Variants in TEK observed in about 807,000 individuals in gnomAD.
TEK encodes angiopoietin-1 receptor.
Under a neutral mutation model 131.8 loss-of-function variants are expected in TEK, and 43 were observed. The observed-to-expected ratio is 0.33, with a 90% CI of 0.26 to 0.42. The LOEUF is 0.42. Ranked by LOEUF, TEK falls within the 10% of genes least tolerant of loss-of-function variation. The pLI is 1.00. For missense variants in TEK, 1,162 were observed against 1,384.4 expected (o/e 0.84, Z 2.55); for synonymous variants, 580 against 491.6 (o/e 1.18, Z -2.38).
intron 16 of TEK, 43 bp downstream of exon 16, chr9:27,209,274 A>C (rs1430093271): frequency 2.2e-6 from 3 of 1,381,792 alleles, no homozygotes; most frequent in Non-Finnish European, 3.1e-6. Context: ...AGTTTTTATA[A>C]AACAGACAAA....
At chr9:27,219,371 G>C (rs111745033) in intron 20 of TEK, among the ~76,000 whole-genome samples, 16 of 152,126 alleles carry the variant, frequency 1.1e-4, no homozygotes, top group African/African-American at 3.6e-4. Flanking sequence ...ATCATCCTCA[G>C]TAAACTAACA....
intron 21 of TEK, among the ~76,000 whole-genome samples, chr9:27,222,937 A>T (rs115739714): frequency 0.013 from 1,910 of 152,252 alleles, 44 homozygotes; most frequent in African/African-American, 0.043. Context: ...TTTACCAAGC[A>T]AATAGAAAGC....
At chr9:27,220,578 G>A (rs142055907) in intron 21 of TEK, among the ~76,000 whole-genome samples, 312 of 152,326 alleles carry the variant, frequency 2.0e-3, no homozygotes, top group Middle Eastern at 0.01. Context: ...GAAGGCAAGT[G>A]ATTTCTGCAT....
In TEK at chr9:27,202,989, C is replaced by T. The variant is rs559595469; in HGVS notation, c.2079C>T (p.Thr693=). The change falls in exon 13 of 23, where the codon ACC becomes ACT. Residue 693 remains threonine (T), a synonymous_variant. Coordinates refer to ENST00000380036, the MANE Select transcript of TEK (RefSeq NM_000459.5). ...QHVDVKIKNA[T]ITQYQLKGLE... Reference sequence around the variant, plus strand: ...TTGATGTGAAGATAAAGAATGCCACCATCACTCAGTATCAGCTCAAGGGCC... The same window carrying T: ...TTGATGTGAAGATAAAGAATGCCACTATCACTCAGTATCAGCTCAAGGGCC... The T allele has an allele frequency of 2.5e-6, 4 of 1,614,060 alleles. No homozygotes were observed. Among genetic ancestry groups the T allele is most frequent in the East Asian group, 2.2e-5 (1 of 44,874 alleles).
At chr9:27,166,774 G>A (rs1444914260) in intron 2 of TEK, among the ~76,000 whole-genome samples, 1 of 152,138 alleles carries the variant, frequency 6.6e-6, no homozygotes, top group Non-Finnish European at 1.5e-5. Flanking sequence ...TTTTAGAATT[G>A]AGATTCTAGA....
chr9:27,138,045 G>C lies in TEK; in HGVS notation c.53-19786G>C, dbSNP rs375478491. On this transcript the variant is annotated intron_variant, in intron 1 of 22. Transcript: ENST00000380036. ...CCAGTGAGTGTTACAGCTCTTAAAG[G>C]TGGCGCATCCAGAGTTGTTTGTTCC... Among the ~76,000 whole-genome samples, 626 of 152,182 alleles carry C rather than the reference G, an allele frequency of 4.1e-3. 3 individuals carry two copies. The highest frequency in any genetic ancestry group is 0.014 in the African/African-American group (596 of 41,500).
chr9:27,156,388 G>A (rs1378025631), intron 1 of TEK, among the ~76,000 whole-genome samples: 1 of 151,906 alleles, frequency 6.6e-6, no homozygotes, highest in Non-Finnish European at 1.5e-5. Context: ...AATAAAACAG[G>A]AGGCCAAATT....
chr9:27,145,163 C>G (rs1046436488), intron 1 of TEK, among the ~76,000 whole-genome samples: 2 of 152,180 alleles, frequency 1.3e-5, no homozygotes, highest in African/African-American at 4.8e-5. Context: ...CTCCCCAAGG[C>G]TGCCACCACA....
intron 14 of TEK, among the ~76,000 whole-genome samples, chr9:27,206,184 C>T (rs572032829): frequency 3.3e-5 from 5 of 152,320 alleles, no homozygotes; most frequent in East Asian, 3.9e-4. Flanking sequence ...CTCACTGAGG[C>T]GCATCCTGTG....
chr9:27,172,760 A>T lies in TEK; in HGVS notation c.760+13A>T. On this transcript the variant is annotated intron_variant, in intron 5 of 22. Transcript: ENST00000380036. The stretch of plus-strand genomic sequence containing the variant: ...ACGTGTGAGAAGGGTAAGTAAAGAG[A>T]CTTGATAAGTAAGCTGTGGATTTAA... The T allele has an allele frequency of 6.2e-7, 1 of 1,613,152 alleles. No homozygotes were observed. Among genetic ancestry groups the T allele is most frequent in the Non-Finnish European group, 8.5e-7 (1 of 1,179,396 alleles).
At chr9:27,160,018 T>G (rs904023691) in intron 2 of TEK, among the ~76,000 whole-genome samples, 12 of 107,540 alleles carry the variant, frequency 1.1e-4, no homozygotes, top group East Asian at 2.5e-4. Flanking sequence ...GGGTTTTTTT[T>G]TTTTTTTTTT....
chr9:27,185,440 A>G, intron 8 of TEK, 45 bp from the exon 9 acceptor site: 1 of 1,612,352 alleles, frequency 6.2e-7, no homozygotes, highest in Non-Finnish European at 8.5e-7. Context: ...CTTTGCGTTT[A>G]TGCCTCCCTA....
intron 2 of TEK, among the ~76,000 whole-genome samples, chr9:27,162,363 A>C (rs62544654): frequency 0.054 from 8,160 of 152,286 alleles, 278 homozygotes; most frequent in Middle Eastern, 0.14. Context: ...CTCCAAACAG[A>C]CAAACTGGAT....
chr9:27,142,770 T>G (rs1564056677), intron 1 of TEK, among the ~76,000 whole-genome samples: 1 of 152,242 alleles, frequency 6.6e-6, no homozygotes. Context: ...GTTTTACATT[T>G]GAGATCTCCT....
intron 4 of TEK, among the ~76,000 whole-genome samples, chr9:27,171,974 G>T (rs1823975846): frequency 6.6e-6 from 1 of 152,242 alleles, no homozygotes; most frequent in South Asian, 2.1e-4. Flanking sequence ...CATCTTCTAG[G>T]AAGGTCAGAC....
intron 21 of TEK, among the ~76,000 whole-genome samples, chr9:27,220,578 G>C (rs142055907): frequency 1.3e-5 from 2 of 152,208 alleles, no homozygotes; most frequent in Non-Finnish European, 2.9e-5. Context: ...GAAGGCAAGT[G>C]ATTTCTGCAT....
chr9:27,215,782 G>A (rs909479289), intron 18 of TEK, among the ~76,000 whole-genome samples: 3 of 152,058 alleles, frequency 2.0e-5, no homozygotes, highest in African/African-American at 7.2e-5. Flanking sequence ...ATATGACTCA[G>A]GATTGTAACA....
chr9:27,204,066 T>C (rs1240759903), intron 13 of TEK, among the ~76,000 whole-genome samples: 1 of 152,228 alleles, frequency 6.6e-6, no homozygotes, highest in Non-Finnish European at 1.5e-5. Flanking sequence ...TACTTGTGTT[T>C]TGGCGAAATG....
At chr9:27,121,844 G>A (rs562777569) in intron 1 of TEK, among the ~76,000 whole-genome samples, 1 of 152,310 alleles carries the variant, frequency 6.6e-6, no homozygotes, top group African/African-American at 2.4e-5. Context: ...TTTTAGAACT[G>A]TGTATGTGCA....
Sources: gnomAD v4.1 joint callset for allele counts (sites outside exome capture counted in the v4.1 genomes callset) on GRCh38, gnomAD v4.1.1 for gene constraint, MANE v1.5 for transcripts, NCBI Gene and HGNC (gene_info 2026-07-23, HGNC 2026-07-21) for gene names.